The following MYRIP variants were observed in gnomAD, a reference collection of about 807,000 sequenced individuals.
MYRIP encodes the protein rab effector MyRIP.
In MYRIP, 49 loss-of-function variants were observed where a neutral mutation model predicts 98.0. The observed-to-expected ratio is 0.50, with a 90% CI of 0.40 to 0.63. The LOEUF is 0.63. MYRIP is among the 30% of genes least tolerant of loss of function. MYRIP has a pLI of 0.00. For synonymous variants in MYRIP, 404 were observed against 409.5 expected, an observed-to-expected ratio of 0.99 and a Z score of 0.16; for missense variants, 1,004 against 1,058.2, an observed-to-expected ratio of 0.95 and a Z score of 0.71.
chr3:40,245,517 C>T (rs889408995), intron 13 of MYRIP, among the ~76,000 whole-genome samples: 16 of 151,624 alleles, frequency 1.1e-4, no homozygotes, highest in African/African-American at 3.6e-4. Flanking sequence ...GGAGTGGTGG[C>T]GGGCGCCTGT....
chr3:39,984,129 C>T (rs1945966076), intron 2 of MYRIP, among the ~76,000 whole-genome samples: 1 of 152,068 alleles, frequency 6.6e-6, no homozygotes, highest in Non-Finnish European at 1.5e-5. Context: ...TGGGGCAGGC[C>T]AGGCCAACTT....
intron 1 of MYRIP, among the ~76,000 whole-genome samples, chr3:39,857,685 C>G (rs1026739637): frequency 6.6e-6 from 1 of 152,080 alleles, no homozygotes; most frequent in African/African-American, 2.4e-5. Context: ...ACCATAATTA[C>G]AATAATTTGT....
Position 39,917,409 on chromosome 3 carries a change from A to C in MYRIP, c.110+16483A>C, listed in dbSNP as rs531322521. Among the ~76,000 whole-genome samples the C allele has an allele frequency of 6.4e-3, 939 of 146,196 alleles. 17 individuals carry two copies. The highest frequency in any genetic ancestry group is 0.023 in the African/African-American group (889 of 39,106). ...CACAAACATAAAAAGAGTCAAAACT[A>C]CTGGGTTTATCTAGGATGCTTTCTT... On this transcript the variant is annotated intron_variant, in intron 2 of 16. Coordinates refer to ENST00000302541, the MANE Select transcript of MYRIP (RefSeq NM_015460.4).
intron 3 of MYRIP, among the ~76,000 whole-genome samples, chr3:40,141,919 G>A (rs1949904139): frequency 6.6e-6 from 1 of 151,960 alleles, no homozygotes; most frequent in South Asian, 2.1e-4. Flanking sequence ...GATTGCTTTG[G>A]CTATTTGGGA....
chr3:40,214,955 A>G (rs1426308337), intron 11 of MYRIP, among the ~76,000 whole-genome samples: 2 of 152,170 alleles, frequency 1.3e-5, no homozygotes, highest in Admixed American at 6.6e-5. Flanking sequence ...GCAGTCCCCA[A>G]GGTCCCTTCT....
intron 1 of MYRIP, among the ~76,000 whole-genome samples, chr3:39,846,319 C>T (rs1353761424): frequency 1.3e-5 from 2 of 152,168 alleles, no homozygotes; most frequent in African/African-American, 4.8e-5. Flanking sequence ...TCCCAGGTCT[C>T]CTAGATCACC....
chr3:40,257,120 G>A (rs943222468), intron 16 of MYRIP, among the ~76,000 whole-genome samples: 11 of 152,190 alleles, frequency 7.2e-5, no homozygotes, highest in African/African-American at 2.7e-4. Context: ...GAGGCCAGGA[G>A]TTCAAGACCA....
At chr3:39,885,403 A>G (rs548687736) in intron 1 of MYRIP, among the ~76,000 whole-genome samples, 95 of 152,070 alleles carry the variant, frequency 6.2e-4, no homozygotes, top group African/African-American at 2.0e-3. Flanking sequence ...AGGGTAACCC[A>G]ACCTTTCTCT....
chr3:39,940,580 G>A (rs1165382222), intron 2 of MYRIP, among the ~76,000 whole-genome samples: 2 of 151,918 alleles, frequency 1.3e-5, no homozygotes, highest in Non-Finnish European at 2.9e-5. Flanking sequence ...GGATTTAATA[G>A]CTTCTATTTC....
chr3:39,886,662 A>C (rs1328676344), intron 1 of MYRIP, among the ~76,000 whole-genome samples: 4 of 152,050 alleles, frequency 2.6e-5, no homozygotes, highest in Non-Finnish European at 5.9e-5. Flanking sequence ...ATATGCACCC[A>C]ATACAGGAGC....
rs376641433 is a variant in MYRIP at position 40,250,331 on chromosome 3, G to C, written c.2367+5G>C. On this transcript the variant is annotated splice_donor_5th_base_variant and intron_variant, in intron 14 of 16. Transcript: ENST00000302541. The stretch of plus-strand genomic sequence containing the variant: ...GATCAGAAGCAAAGGACCCAGGTGT[G>C]TTTGTCCCTTTCTCCCTCTGTTGGA... The C allele has an allele frequency of 6.2e-7, 1 of 1,613,576 alleles. No homozygotes were observed. The highest frequency in any genetic ancestry group is 1.3e-5 in the African/African-American group (1 of 75,026).
intron 1 of MYRIP, among the ~76,000 whole-genome samples, chr3:39,871,825 C>T (rs1174098524): frequency 2.0e-5 from 3 of 151,814 alleles, no homozygotes; most frequent in Admixed American, 1.3e-4. Flanking sequence ...TTTTTAAAAA[C>T]AATTTCAAGT....
intron 12 of MYRIP, among the ~76,000 whole-genome samples, chr3:40,240,749 G>C (rs912487604): frequency 5.3e-5 from 8 of 152,158 alleles, no homozygotes; most frequent in African/African-American, 1.9e-4. Flanking sequence ...ACGCAATGGG[G>C]GCTCAGTTCC....
At chr3:39,901,001 T>A in intron 2 of MYRIP, 75 bp downstream of exon 2, 2 of 1,060,062 alleles carry the variant, frequency 1.9e-6, no homozygotes, top group Non-Finnish European at 2.9e-6. Context: ...CTGAGGGTAT[T>A]CCCTCCTGCT....
At chr3:40,081,111 A>G in intron 3 of MYRIP, among the ~76,000 whole-genome samples, 1 of 152,132 alleles carries the variant, frequency 6.6e-6, no homozygotes, top group East Asian at 1.9e-4. Context: ...TGTGGCCTGT[A>G]TGATACCACT....
intron 1 of MYRIP, among the ~76,000 whole-genome samples, chr3:39,815,175 TCCACGCACCCTG>T (rs1940858300): frequency 1.3e-5 from 2 of 152,120 alleles, no homozygotes; most frequent in Non-Finnish European, 2.9e-5. Flanking sequence ...TTCTTATCCC[TCCACGCACCCTG>T]CCACACACCC....
chr3:40,214,932 C>T (rs1266182476), intron 11 of MYRIP, among the ~76,000 whole-genome samples: 1 of 152,164 alleles, frequency 6.6e-6, no homozygotes, highest in South Asian at 2.1e-4. Context: ...CTAATTTTTC[C>T]AGGCCTGGAC....
chr3:39,848,009 A>G (rs1355801137), intron 1 of MYRIP, among the ~76,000 whole-genome samples: 2 of 152,272 alleles, frequency 1.3e-5, no homozygotes, highest in Middle Eastern at 3.4e-3. Flanking sequence ...CCAAAATTGT[A>G]ATACCGTTGA....
At chr3:39,877,631 A>G (rs538071054) in intron 1 of MYRIP, among the ~76,000 whole-genome samples, 3 of 152,202 alleles carry the variant, frequency 2.0e-5, no homozygotes, top group Admixed American at 2.0e-4. Flanking sequence ...TGCCTGGGTA[A>G]CAGCAGCGGT....
Sources: gnomAD v4.1 joint callset for allele counts (sites outside exome capture counted in the v4.1 genomes callset) on GRCh38, gnomAD v4.1.1 for gene constraint, MANE v1.5 for transcripts, NCBI Gene and HGNC (gene_info 2026-07-23, HGNC 2026-07-21) for gene names.